The following HOXA3 variants were observed in gnomAD, a reference collection of about 807,000 sequenced individuals.
HOXA3 encodes homeobox protein Hox-A3.
A neutral mutation model predicts 30.3 loss-of-function variants in HOXA3; 8 were observed. That is an observed-to-expected ratio of 0.26 (90% CI 0.15 to 0.48). The LOEUF (loss-of-function observed/expected upper bound fraction) is 0.48, where lower values mean the gene tolerates loss of function less well. Ranked by LOEUF, HOXA3 falls within the 20% of genes least tolerant of loss-of-function variation. The pLI, the probability that HOXA3 is intolerant of heterozygous loss-of-function variation, is 0.99. For missense variants in HOXA3, 653 were observed against 614.4 expected (o/e 1.06, Z -0.66); for synonymous variants, 323 against 273.1 (o/e 1.18, Z -1.80).
At chr7:27,139,902 C>G (rs910338777) in intron 2 of HOXA3, among the ~76,000 whole-genome samples, 181 bp downstream of exon 2, 8 of 152,182 alleles carry the variant, frequency 5.3e-5, no homozygotes, top group Admixed American at 2.6e-4. Context: ...GCTGCTCACT[C>G]TGCTGCCTCC....
chr7:27,109,036 A>G (rs778269769), intron 5 of HOXA3, among the ~76,000 whole-genome samples: 1 of 152,144 alleles, frequency 6.6e-6, no homozygotes, highest in Admixed American at 6.5e-5. Context: ...CCTTTGGCCT[A>G]TCGGACAACA....
At chr7:27,142,683 G>T (rs764806636) in intron 1 of HOXA3, 30 of 266,636 alleles carry the variant, frequency 1.1e-4, no homozygotes, top group Non-Finnish European at 1.9e-4. Context: ...TAAATTATCC[G>T]CCGTGACAAG....
intron 4 of HOXA3, among the ~76,000 whole-genome samples, chr7:27,118,587 A>AT (rs1339179696): frequency 2.0e-4 from 30 of 152,234 alleles, no homozygotes; most frequent in African/African-American, 7.0e-4. Flanking sequence ...TGAATGCCAT[A>AT]TAAGACATAC....
chr7:27,128,851 GTCT>G (rs1328977422), intron 2 of HOXA3: 16 of 283,462 alleles, frequency 5.6e-5, no homozygotes, highest in Admixed American at 3.8e-4. Flanking sequence ...GAAAGGGTCT[GTCT>G]TCTTCTGCTT....
At chr7:27,117,009 C>T (rs963519605) in intron 4 of HOXA3, among the ~76,000 whole-genome samples, 1 of 152,094 alleles carries the variant, frequency 6.6e-6, no homozygotes, top group African/African-American at 2.4e-5. Flanking sequence ...CACATCCGAC[C>T]TCTGACTCCT....
chr7:27,145,968 C>G, intron 1 of HOXA3: 4 of 1,571,048 alleles, frequency 2.5e-6, no homozygotes, highest in Non-Finnish European at 3.4e-6. Context: ...GGAGGGTTGA[C>G]CCAGTCAGCC....
At chr7:27,142,733 C>T in intron 1 of HOXA3, 2 of 373,816 alleles carry the variant, frequency 5.4e-6, no homozygotes, top group East Asian at 4.4e-5. Flanking sequence ...TACCTCTCTG[C>T]GCCTTGCTCG....
At position 27,146,251 on chromosome 7, in the gene HOXA3, T is replaced by TTGTG. The variant is rs10685970; in HGVS notation, c.-494+6033_-494+6036dup. 4.7e-3 allele frequency among the ~76,000 whole-genome samples: 699 copies of TTGTG among 149,088 alleles called. 3 individuals are homozygous for TTGTG. Among genetic ancestry groups the TTGTG allele is most frequent in the Middle Eastern group, 0.024 (7 of 288 alleles). On this transcript the variant is annotated intron_variant, in intron 1 of 5. Coordinates refer to ENST00000612286, the MANE Select transcript of HOXA3 (RefSeq NM_153631.3). Reference sequence around the variant, plus strand: ...GGGGATGCAGGGTGTGTGTGTGTGTTTGTGTGTGTGTGTGTGTGTGTGTCT... The same window carrying TTGTG: ...GGGGATGCAGGGTGTGTGTGTGTGTTTGTGTGTGTGTGTGTGTGTGTGTGTGTCT...
chr7:27,139,047 G>A (rs1785805510), intron 2 of HOXA3, among the ~76,000 whole-genome samples: 1 of 152,134 alleles, frequency 6.6e-6, no homozygotes, highest in South Asian at 2.1e-4. Flanking sequence ...CCAGGGGGCC[G>A]CCTAAGTTGC....
intron 2 of HOXA3, among the ~76,000 whole-genome samples, chr7:27,137,381 G>C (rs1012889451): frequency 6.6e-6 from 1 of 152,192 alleles, no homozygotes; most frequent in Non-Finnish European, 1.5e-5. Flanking sequence ...TGTCTCTTCA[G>C]CTTGTGGGAA....
chr7:27,114,854 T>TATATATA (rs1562714615), intron 4 of HOXA3, among the ~76,000 whole-genome samples: 2 of 102,590 alleles, frequency 1.9e-5, no homozygotes, highest in South Asian at 3.0e-4. Flanking sequence ...TAATATATAT[T>TATATATA]ATATATATAA....
chr7:27,140,112 A>AACTT lies in HOXA3; in HGVS notation c.-420_-419insAAGT, dbSNP rs1443918425. The AACTT allele has an allele frequency of 6.6e-6, 1 of 152,154 alleles. No individual in the cohort carries two copies. The allele number at this position is 152,154 out of a possible 1,614,324, so 9.4% of individuals were successfully genotyped here. A position where few individuals can be genotyped will look rare whatever the true frequency, so the allele number is the denominator to read the frequency against. Reference sequence around the variant, plus strand: ...ACTCGGAGGGAGCCATTTTTCAGAGAGTTTTGAGAACTTGTGGTTTGGACA... The same window carrying AACTT: ...ACTCGGAGGGAGCCATTTTTCAGAGAACTTGTTTTGAGAACTTGTGGTTTGGACA... On this transcript the variant is annotated 5_prime_UTR_variant, in exon 2 of 6. Transcript: ENST00000612286.
rs180799433 is a variant in HOXA3, at chr7:27,134,550, C to G, written c.-390+5533G>C. ...TAAAAAGGTTTTTCCCAAAGAGACA[C>G]GTAATTGTCTTGTTGACTCATCGAG... On this transcript the variant is annotated intron_variant, in intron 2 of 5. Coordinates refer to ENST00000612286, the MANE Select transcript of HOXA3 (RefSeq NM_153631.3). Among the ~76,000 whole-genome samples the G allele has an allele frequency of 5.7e-3, 865 of 152,324 alleles. 5 individuals carry two copies. The highest frequency in any genetic ancestry group is 9.6e-3 in the Non-Finnish European group (651 of 68,030).
At chr7:27,118,289 G>A (rs1003163850) in intron 4 of HOXA3, among the ~76,000 whole-genome samples, 1 of 152,192 alleles carries the variant, frequency 6.6e-6, no homozygotes, top group South Asian at 2.1e-4. Flanking sequence ...AGGTGGGTGC[G>A]TGGGGGTTGG....
Position 27,110,515 on chromosome 7 carries a change from G to T in HOXA3, c.126C>A (p.Asp42Glu), listed in dbSNP as rs758695156. The T allele has an allele frequency of 1.9e-6, 3 of 1,605,998 alleles. No individual in the cohort carries two copies. The highest frequency in any genetic ancestry group is 1.7e-5 in the Admixed American group (1 of 59,744). Residue 42 changes from aspartate (D) to glutamate (E), a missense_variant, in exon 5 of 6, where the codon GAC becomes GAA. Transcript: ENST00000612286. ...PYPASAALGA[D>E]GEYHRPACSL... ...AGCAGGCGGGTCGGTGGTACTCGCC[G>T]TCGGCGCCCAAAGCGGCGGACGCCG...
At chr7:27,121,449 A>T (rs1193354641) in intron 4 of HOXA3, among the ~76,000 whole-genome samples, 1 of 152,214 alleles carries the variant, frequency 6.6e-6, no homozygotes, top group Non-Finnish European at 1.5e-5. Context: ...ACACAGAGTT[A>T]CAAATTCCTG....
intron 2 of HOXA3, among the ~76,000 whole-genome samples, chr7:27,136,875 C>T (rs17427721): frequency 0.011 from 1,694 of 152,276 alleles, 14 homozygotes; most frequent in Middle Eastern, 0.017. Flanking sequence ...TGTGGATCCC[C>T]TCCCCTACTT....
At chr7:27,133,863 C>T (rs866917628) in intron 2 of HOXA3, among the ~76,000 whole-genome samples, 1 of 152,176 alleles carries the variant, frequency 6.6e-6, no homozygotes, top group Admixed American at 6.5e-5. Context: ...TCACAAGGCG[C>T]GCCCTTCACT....
At chr7:27,143,729 T>A (rs1049542537) in intron 1 of HOXA3, 114 of 1,441,962 alleles carry the variant, frequency 7.9e-5, no homozygotes, top group Non-Finnish European at 1.4e-5. Flanking sequence ...CCCTCCTACG[T>A]AGGCACCCAA....
Sources: gnomAD v4.1 joint callset for allele counts (sites outside exome capture counted in the v4.1 genomes callset) on GRCh38, gnomAD v4.1.1 for gene constraint, MANE v1.5 for transcripts, NCBI Gene and HGNC (gene_info 2026-07-23, HGNC 2026-07-21) for gene names.